The following TENM3 variants were observed in gnomAD, a reference collection of about 807,000 sequenced individuals.
The protein encoded by TENM3 is teneurin transmembrane protein 3, also known as teneurin-3.
A neutral mutation model predicts 255.1 loss-of-function variants in TENM3; 63 were observed. The observed-to-expected ratio is 0.25, with a 90% CI of 0.20 to 0.30. TENM3 has a LOEUF of 0.30. Ranked by LOEUF, TENM3 falls within the 10% of genes least tolerant of loss-of-function variation. The pLI is 1.00. For missense variants in TENM3, 2,929 were observed against 3,461.1 expected, an observed-to-expected ratio of 0.85 and a Z score of 3.86; for synonymous variants, 1,306 against 1,322.3, an observed-to-expected ratio of 0.99 and a Z score of 0.27.
At chr4:182,446,301 AC>A in intron 3 of TENM3, among the ~76,000 whole-genome samples, 1 of 152,300 alleles carries the variant, frequency 6.6e-6, no homozygotes, top group East Asian at 1.9e-4. Context: ...ACTCCAGTAC[AC>A]TCCAATATAA....
intron 5 of TENM3, among the ~76,000 whole-genome samples, chr4:182,650,028 T>G (rs530088150): frequency 2.0e-5 from 3 of 150,614 alleles, no homozygotes; most frequent in Admixed American, 2.0e-4. Context: ...TCAACTAATC[T>G]CCACTTTCTT....
chr4:182,694,095 T>G (rs1757207190), intron 12 of TENM3, among the ~76,000 whole-genome samples: 1 of 151,792 alleles, frequency 6.6e-6, no homozygotes, highest in Non-Finnish European at 1.5e-5. Context: ...TTGGTTTTAT[T>G]TTTTTTTAAT....
the TENM3 span, among the ~76,000 whole-genome samples, chr4:181,646,496 G>A: frequency 2.0e-5 from 3 of 152,276 alleles, no homozygotes; most frequent in Middle Eastern, 3.4e-3. Context: ...GGGGCAAGGA[G>A]CATTCTTCTG....
intron 3 of TENM3, among the ~76,000 whole-genome samples, chr4:182,470,390 G>A (rs925742763): frequency 6.6e-6 from 1 of 152,198 alleles, no homozygotes; most frequent in African/African-American, 2.4e-5. Context: ...TGAATGATAA[G>A]AAGGACCATC....
At chr4:181,713,533 G>A in the TENM3 span, among the ~76,000 whole-genome samples, 4 of 152,104 alleles carry the variant, frequency 2.6e-5, no homozygotes, top group Non-Finnish European at 4.4e-5. Flanking sequence ...ACCACCAAAA[G>A]TAAGGCCTCC....
At chr4:181,463,056 G>A in the TENM3 span, among the ~76,000 whole-genome samples, 1 of 152,154 alleles carries the variant, frequency 6.6e-6, no homozygotes, top group South Asian at 2.1e-4. Flanking sequence ...CATTGGTAAC[G>A]TGACATAATT....
At chr4:182,109,429 G>A in the TENM3 span, among the ~76,000 whole-genome samples, 7 of 151,522 alleles carry the variant, frequency 4.6e-5, no homozygotes, top group South Asian at 2.1e-4. Context: ...TAGACAAATC[G>A]TTTTGAATAC....
At chr4:181,820,419 C>G in the TENM3 span, 31 of 151,900 alleles carry the variant, frequency 2.0e-4, no homozygotes, top group Non-Finnish European at 3.5e-4. Flanking sequence ...GTACAAGAAA[C>G]TTTTTCATAT....
chr4:181,914,319 C>T, the TENM3 span, among the ~76,000 whole-genome samples: 1 of 152,178 alleles, frequency 6.6e-6, no homozygotes, highest in Non-Finnish European at 1.5e-5. Context: ...CTAATCTCTA[C>T]CAATGGCCTC....
intron 22 of TENM3, among the ~76,000 whole-genome samples, chr4:182,760,823 T>C (rs1763127241): frequency 1.3e-5 from 2 of 152,134 alleles, no homozygotes. Flanking sequence ...CTGACATCAG[T>C]TCTCATGCTG....
At chr4:181,695,031 T>C in the TENM3 span, among the ~76,000 whole-genome samples, 1 of 152,176 alleles carries the variant, frequency 6.6e-6, no homozygotes, top group Admixed American at 6.5e-5. Flanking sequence ...TTGTAGGCAC[T>C]TTGCTGACTT....
chr4:181,893,798 G>A, the TENM3 span, among the ~76,000 whole-genome samples: 3 of 152,048 alleles, frequency 2.0e-5, no homozygotes, highest in Non-Finnish European at 4.4e-5. Flanking sequence ...AGCAACACAA[G>A]ACAGTCCCAC....
intron 1 of TENM3, among the ~76,000 whole-genome samples, chr4:182,203,277 C>T (rs760385796): frequency 6.6e-6 from 1 of 151,978 alleles, no homozygotes; most frequent in Admixed American, 6.5e-5. Context: ...GGTTCCTTCT[C>T]CTCCACCCAG....
the TENM3 span, among the ~76,000 whole-genome samples, chr4:181,680,288 G>A: frequency 5.9e-5 from 9 of 151,984 alleles, no homozygotes; most frequent in African/African-American, 1.9e-4. Context: ...CATGTGGTGA[G>A]TCCTAAAGTC....
At chr4:182,573,995 G>A (rs1430165898) in intron 3 of TENM3, among the ~76,000 whole-genome samples, 1 of 152,066 alleles carries the variant, frequency 6.6e-6, no homozygotes, top group East Asian at 1.9e-4. Context: ...TCTTCTTAAA[G>A]GCATTTAGCT....
the TENM3 span, among the ~76,000 whole-genome samples, chr4:181,467,366 C>A: frequency 6.6e-6 from 1 of 150,724 alleles, no homozygotes; most frequent in African/African-American, 2.5e-5. Flanking sequence ...AACTCCTGAC[C>A]TCAGGTGGTC....
chr4:182,466,003 G>T (rs1284975172), intron 3 of TENM3, among the ~76,000 whole-genome samples: 1 of 151,992 alleles, frequency 6.6e-6, no homozygotes, highest in African/African-American at 2.4e-5. Context: ...ATTATTGAAG[G>T]CTGAAACCAA....
chr4:182,129,879 T>TAGATACACATACAC, the TENM3 span, among the ~76,000 whole-genome samples: 1 of 152,084 alleles, frequency 6.6e-6, no homozygotes, highest in Non-Finnish European at 1.5e-5. Context: ...GAAAGAGATC[T>TAGATACACATACAC]AAATACACAG....
chr4:182,037,150 A>ATTTTTTTTTTTTTTATT, the TENM3 span, among the ~76,000 whole-genome samples: 1 of 144,682 alleles, frequency 6.9e-6, no homozygotes, highest in African/African-American at 2.6e-5. Context: ...AACTCCTTTT[A>ATTTTTTTTTTTTTTATT]TTTTTTTTTT....
Sources: allele counts gnomAD v4.1 joint callset (sites outside exome capture counted in the v4.1 genomes callset), GRCh38; gene constraint gnomAD v4.1.1; transcripts MANE v1.5; gene names NCBI Gene and HGNC (gene_info 2026-07-23, HGNC 2026-07-21).